Variants in LPAR1 observed in about 807,000 individuals in gnomAD.
LPAR1 encodes LPA receptor 1.
In LPAR1, 5 loss-of-function variants were observed where a neutral mutation model predicts 23.8. The ratio of observed to expected loss-of-function variants is 0.21; its 90% CI spans 0.11 to 0.44. The LOEUF is 0.44. LPAR1 is among the 20% of genes least tolerant of loss of function. The pLI, the probability that LPAR1 is intolerant of heterozygous loss-of-function variation, is 0.99. For synonymous variants in LPAR1, 160 were observed against 164.7 expected (o/e 0.97, Z 0.22); for missense variants, 311 against 482.8 (o/e 0.64, Z 3.33).
intron 2 of LPAR1, among the ~76,000 whole-genome samples, chr9:111,010,644 T>A (rs2097314816): frequency 6.6e-6 from 1 of 152,072 alleles, no homozygotes; most frequent in Non-Finnish European, 1.5e-5. Context: ...AAAACCCACA[T>A]CAGACAATTT....
At chr9:111,038,662 G>T (rs919924487), upstream of LPAR1, 6 of 454,204 alleles carry the variant, frequency 1.3e-5, no homozygotes, top group East Asian at 4.3e-4. The surrounding 1 kb of genome is among the most constrained non-coding windows in gnomAD (Gnocchi z 4.4). Context: ...CTGGTGTGGC[G>T]CCCCCAGCGC....
intron 4 of LPAR1, among the ~76,000 whole-genome samples, chr9:110,945,734 A>G (rs2095352019): frequency 6.6e-6 from 1 of 152,150 alleles, no homozygotes; most frequent in South Asian, 2.1e-4. Context: ...TCTAGGGGAG[A>G]ATCCGTTTCC....
intron 2 of LPAR1, among the ~76,000 whole-genome samples, chr9:111,002,877 A>T (rs1220017578): frequency 6.6e-6 from 1 of 152,190 alleles, no homozygotes; most frequent in African/African-American, 2.4e-5. Context: ...GGTGGCTCAC[A>T]CTTGTAATCC....
intron 2 of LPAR1, among the ~76,000 whole-genome samples, chr9:110,996,570 G>A (rs560002061): frequency 2.7e-4 from 41 of 152,176 alleles, no homozygotes; most frequent in Non-Finnish European, 5.0e-4. Flanking sequence ...AATTTCCTGG[G>A]GCTTGAGAAG....
intron 2 of LPAR1, among the ~76,000 whole-genome samples, chr9:111,003,915 T>C (rs1042213422): frequency 2.0e-5 from 3 of 152,226 alleles, no homozygotes; most frequent in Non-Finnish European, 4.4e-5. Flanking sequence ...CTGAATTTAT[T>C]TGCATATGTC....
Position 110,959,640 on chromosome 9 carries a change from C to CA in LPAR1, c.45+12432dup, listed in dbSNP as rs1320655477. Among the ~76,000 whole-genome samples, 8 of 151,086 alleles carry CA rather than the reference C, an allele frequency of 5.3e-5. No individual in the cohort carries two copies. The East Asian group carries it at 5.8e-4, about 11-fold the overall frequency. ...CTCAAAAAACAAACAAAAAAATAAA[C>CA]AAAAAAAAGTAGAAGAGGAAAAAGA... On this transcript the variant is annotated intron_variant, in intron 4 of 5. Coordinates refer to ENST00000683809, the MANE Select transcript of LPAR1 (RefSeq NM_001351411.2).
In LPAR1 at chr9:110,905,904, T is replaced by A. The variant is rs1020641846; in HGVS notation, c.794-30182A>T. ...TACCCTGAGGTTCAGTTTCTTCATT[T>A]GTGAAAAGGATATGGTAATACCTAA... On this transcript the variant is annotated intron_variant, in intron 5 of 5. Transcript: ENST00000683809. Among the ~76,000 whole-genome samples, 5 of 152,178 alleles carry A rather than the reference T, an allele frequency of 3.3e-5. 1 individual carries two copies. The highest frequency in any genetic ancestry group is 6.5e-5 in the Admixed American group (1 of 15,272).
At chr9:110,888,624 C>T (rs1184595964) in intron 5 of LPAR1, among the ~76,000 whole-genome samples, 1 of 148,254 alleles carries the variant, frequency 6.7e-6, no homozygotes, top group East Asian at 2.0e-4. Context: ...ATGAGAAAGA[C>T]AATCAACAAA....
At chr9:111,030,104 A>T (rs1412461327) in intron 2 of LPAR1, among the ~76,000 whole-genome samples, 1 of 152,062 alleles carries the variant, frequency 6.6e-6, no homozygotes, top group Non-Finnish European at 1.5e-5. Context: ...AGGACACAGA[A>T]GTTCTCCAAG....
At chr9:111,019,118 T>C (rs554062092) in intron 2 of LPAR1, among the ~76,000 whole-genome samples, 2 of 152,066 alleles carry the variant, frequency 1.3e-5, no homozygotes, top group Non-Finnish European at 2.9e-5. Context: ...CAAATACAAG[T>C]GGGTTTATTT....
intron 5 of LPAR1, among the ~76,000 whole-genome samples, chr9:110,928,196 T>C (rs2094170890): frequency 6.6e-6 from 1 of 152,144 alleles, no homozygotes; most frequent in East Asian, 1.9e-4. Flanking sequence ...ATAATATAGA[T>C]AGAGCAATAC....
At chr9:110,990,772 A>G (rs917356598) in intron 2 of LPAR1, among the ~76,000 whole-genome samples, 1 of 152,132 alleles carries the variant, frequency 6.6e-6, no homozygotes, top group African/African-American at 2.4e-5. Context: ...CTATAAAACA[A>G]ATCCAAAAGA....
intron 4 of LPAR1, among the ~76,000 whole-genome samples, chr9:110,951,787 T>A (rs563345074): frequency 6.6e-4 from 101 of 152,154 alleles, no homozygotes; most frequent in Middle Eastern, 3.4e-3. Flanking sequence ...AAATCACACA[T>A]GTGCCTAACG....
chr9:111,025,725 A>G (rs1256777015), intron 2 of LPAR1, among the ~76,000 whole-genome samples: 1 of 152,176 alleles, frequency 6.6e-6, no homozygotes, highest in East Asian at 1.9e-4. Flanking sequence ...ATTTTTGTAT[A>G]AGGTGTAAGG....
At chr9:110,902,272 T>C (rs1454423296) in intron 5 of LPAR1, among the ~76,000 whole-genome samples, 1 of 152,060 alleles carries the variant, frequency 6.6e-6, no homozygotes, top group African/African-American at 2.4e-5. Context: ...GCTGATATTG[T>C]TTGGCTGTGT....
At chr9:110,972,595 C>T (rs1442753222) in intron 3 of LPAR1, among the ~76,000 whole-genome samples, 1 of 152,110 alleles carries the variant, frequency 6.6e-6, no homozygotes, top group Non-Finnish European at 1.5e-5. Context: ...AAAGAGAATG[C>T]AGTAACCACC....
chr9:110,993,015 G>T (rs1179101634), intron 2 of LPAR1, among the ~76,000 whole-genome samples: 1 of 151,982 alleles, frequency 6.6e-6, no homozygotes, highest in Non-Finnish European at 1.5e-5. Flanking sequence ...GAAAGCATAA[G>T]TCTTAAAGAA....
chr9:110,979,751 C>A (rs745668359), intron 2 of LPAR1, among the ~76,000 whole-genome samples: 1 of 151,988 alleles, frequency 6.6e-6, no homozygotes, highest in Non-Finnish European at 1.5e-5. Flanking sequence ...GGCAGATGTT[C>A]TTCTGCAAAA....
At chr9:110,877,411 G>C (rs1448451396) in intron 5 of LPAR1, among the ~76,000 whole-genome samples, 2 of 152,108 alleles carry the variant, frequency 1.3e-5, no homozygotes, top group Non-Finnish European at 2.9e-5. Flanking sequence ...TCAAATATCA[G>C]GAGATAATAG....
Sources: gnomAD v4.1 joint callset for allele counts (sites outside exome capture counted in the v4.1 genomes callset) on GRCh38, gnomAD v4.1.1 for gene constraint, Gnocchi (gnomAD v3.1) non-coding constraint, MANE v1.5 for transcripts, NCBI Gene and HGNC (gene_info 2026-07-23, HGNC 2026-07-21) for gene names.